Variants in ZNF555 observed in about 807,000 individuals in gnomAD.
ZNF555 encodes zinc finger protein 555.
Under a neutral mutation model 14.0 loss-of-function variants are expected in ZNF555, and 10 were observed. The ratio of observed to expected loss-of-function variants is 0.72; its 90% CI spans 0.44 to 1.21. The LOEUF is 1.21. ZNF555 is among the 50% of genes most tolerant of loss of function. The probability of loss-of-function intolerance (pLI) is 0.00; values close to 1 mark genes in which losing one functional copy is unlikely to be tolerated. For missense variants in ZNF555, 747 were observed against 762.0 expected (o/e 0.98, Z 0.23); for synonymous variants, 277 against 262.4 (o/e 1.06, Z -0.54).
intron 1 of ZNF555, among the ~76,000 whole-genome samples, chr19:2,843,343 T>G (rs568031866): frequency 1.7e-4 from 26 of 152,222 alleles, no homozygotes; most frequent in African/African-American, 5.1e-4. Context: ...TATTTTTTTG[T>G]TTCTAGGGAT....
In ZNF555 at chr19:2,856,427, A is replaced by T. The variant is rs2087683818; in HGVS notation, c.*2475A>T. The T allele has an allele frequency of 6.6e-6, 1 of 150,956 alleles. No homozygotes were observed. Among genetic ancestry groups the T allele is most frequent in the Non-Finnish European group, 1.5e-5 (1 of 67,720 alleles). 9.4% of individuals were successfully genotyped at this position (150,956 alleles called of 1,614,324 possible). ...ACCATGTTGGCCAGGCTGGTCTTGA[A>T]CTCCTGACCTCAGGTGATCTGCCCA... On this transcript the variant is annotated 3_prime_UTR_variant, in exon 4 of 4. Coordinates refer to ENST00000334241, the MANE Select transcript of ZNF555 (RefSeq NM_152791.5).
rs1599568461 is a variant in ZNF555, at chr19:2,855,042, AAAG to A, written c.*1096_*1098del. The A allele has an allele frequency of 6.6e-6, 1 of 152,196 alleles. No individual in the cohort carries two copies. 9.4% of individuals were successfully genotyped at this position (152,196 alleles called of 1,614,324 possible). The stretch of plus-strand genomic sequence containing the variant: ...CCACGAAAGCCACAGTGTTGCAGTC[AAAG>A]AAGAAAAACAACACATGGGACTTTG... On this transcript the variant is annotated 3_prime_UTR_variant, in exon 4 of 4. Transcript: ENST00000334241.
chr19:2,855,215 A>G lies in ZNF555; in HGVS notation c.*1263A>G, dbSNP rs1053497680. On this transcript the variant is annotated 3_prime_UTR_variant, in exon 4 of 4. Coordinates refer to ENST00000334241, the MANE Select transcript of ZNF555 (RefSeq NM_152791.5). ...GTTAAATTATTAGGTTTGATTATGT[A>G]TCATTAAAAATAATGTGGATTTTGT... The G allele has an allele frequency of 6.6e-6, 1 of 152,204 alleles. No individual in the cohort carries two copies. Among genetic ancestry groups the G allele is most frequent in the East Asian group, 1.9e-4 (1 of 5,200 alleles). 9.4% of individuals were successfully genotyped at this position (152,204 alleles called of 1,614,324 possible).
Position 2,853,161 on chromosome 19 carries a change from A to G in ZNF555, c.1096A>G (p.Lys366Glu). Residue 366 changes from lysine to glutamate, a missense_variant, in exon 4 of 4, where the codon AAA (lysine) becomes GAA (glutamate). Coordinates refer to ENST00000334241, the MANE Select transcript of ZNF555 (RefSeq NM_152791.5). ...RRHERIHTGE[K>E]PYECKQCGKT... is the part of the protein sequence containing the mutation. ...ACATGAAAGGATTCACACTGGAGAG[A>G]AACCCTACGAATGCAAACAGTGTGG... The G allele has an allele frequency of 1.2e-6, 2 of 1,614,202 alleles. No homozygotes were observed. Among genetic ancestry groups the G allele is most frequent in the South Asian group, 2.2e-5 (2 of 91,078 alleles).
At position 2,851,663 on chromosome 19, in the gene ZNF555, T is replaced by C; in HGVS notation, c.314+12T>C. On this transcript the variant is annotated intron_variant, in intron 3 of 3. Transcript: ENST00000334241. ...GGGAGAAATCTCAGGTGAGTTGCAC[T>C]CACAAGAGAACATAGTATTTCAGGA... is the stretch of plus-strand genomic sequence containing the variant. The C allele has an allele frequency of 6.5e-7, 1 of 1,539,410 alleles. No homozygotes were observed. Among genetic ancestry groups the C allele is most frequent in the African/African-American group, 1.4e-5 (1 of 71,648 alleles).
In ZNF555 at chr19:2,852,992, G is replaced by A; in HGVS notation, c.927G>A (p.Glu309=). ...GACATATGATTTCACACACTGGAGA[G>A]AAGCCACATAAATGTAAAGAATGTG... ...FRRHMISHTG[E]KPHKCKECGE... is the part of the protein sequence containing the mutation. Residue 309 remains glutamate (E), a synonymous_variant, in exon 4 of 4, where the codon GAG becomes GAA. Transcript: ENST00000334241. 1 of 1,614,228 alleles carries A rather than the reference G, an allele frequency of 6.2e-7. No homozygotes were observed. The highest frequency in any genetic ancestry group is 8.5e-7 in the Non-Finnish European group (1 of 1,180,046).
At chr19:2,849,723 A>C (rs1323798383) in intron 1 of ZNF555, among the ~76,000 whole-genome samples, 1 of 151,710 alleles carries the variant, frequency 6.6e-6, no homozygotes, top group Non-Finnish European at 1.5e-5. Context: ...CCTGACCTCA[A>C]ATGATCTGCC....
chr19:2,853,689 G>C lies in ZNF555; in HGVS notation c.1624G>C (p.Gly542Arg). 1 of 1,578,902 alleles carries C rather than the reference G, an allele frequency of 6.3e-7. No individual in the cohort carries two copies. Among genetic ancestry groups the C allele is most frequent in the Non-Finnish European group, 8.6e-7 (1 of 1,163,958 alleles). ...VEKPYECKEC[G>R]KVFKWPSSLP... ...GAAGCCCTATGAATGTAAGGAATGT[G>C]GGAAGGTCTTCAAATGGCCATCATC... The change falls in exon 4 of 4, where the codon GGG becomes CGG. Residue 542 changes from glycine (G) to arginine (R), a missense_variant. Transcript: ENST00000334241.
intron 1 of ZNF555, among the ~76,000 whole-genome samples, chr19:2,848,618 T>A (rs1181512179): frequency 2.0e-5 from 3 of 151,972 alleles, no homozygotes; most frequent in African/African-American, 7.3e-5. Flanking sequence ...CCGGCTAATT[T>A]TGTATTTTTA....
Position 2,850,598 on chromosome 19 carries a change from C to T in ZNF555, c.15C>T (p.Val5=). The change falls in exon 2 of 4, where the codon GTC becomes GTT. Residue 5 remains valine, a synonymous_variant. Coordinates refer to ENST00000334241, the MANE Select transcript of ZNF555 (RefSeq NM_152791.5). MDSV[V]FEDVAVDFTL... is the part of the protein sequence containing the mutation. ...TTGAATTGTTTTAGGACTCAGTGGT[C>T]TTTGAGGATGTGGCTGTGGACTTCA... 6.2e-7 allele frequency: 1 copy of T among 1,613,760 alleles called. No homozygotes were observed. The highest frequency in any genetic ancestry group is 8.5e-7 in the Non-Finnish European group (1 of 1,179,782).
rs1019681329 is a variant in ZNF555 at position 2,852,490 on chromosome 19, A to G, written c.425A>G (p.Gln142Arg). 1.9e-6 allele frequency: 3 copies of G among 1,614,174 alleles called. No homozygotes were observed. The highest frequency in any genetic ancestry group is 1.3e-5 in the African/African-American group (1 of 75,072). The change falls in exon 4 of 4, where the codon CAG (glutamine) becomes CGG (arginine). Residue 142 changes from glutamine (Q) to arginine (R), a missense_variant. Gln to Arg is a conservative substitution (Grantham distance 43). Transcript: ENST00000334241. Reference sequence around the variant, plus strand: ...AAGAAAATTCCACCTGGAGTAAAACAGTATGAATACAACACGTACGGAAAA... The same window carrying G: ...AAGAAAATTCCACCTGGAGTAAAACGGTATGAATACAACACGTACGGAAAA... ...LYKKIPPGVK[Q>R]YEYNTYGKVF... is the part of the protein sequence containing the mutation.
At chr19:2,850,360 C>T (rs2087618419) in intron 1 of ZNF555, among the ~76,000 whole-genome samples, 1 of 152,148 alleles carries the variant, frequency 6.6e-6, no homozygotes, top group Non-Finnish European at 1.5e-5. Flanking sequence ...AGAATAATGT[C>T]TTCAGTTGGT....
intron 1 of ZNF555, among the ~76,000 whole-genome samples, chr19:2,842,485 G>C (rs1380866049): frequency 2.0e-5 from 3 of 152,192 alleles, no homozygotes; most frequent in African/African-American, 7.2e-5. Context: ...TGCAAACGAG[G>C]GGGCTAAAAC....
In ZNF555 at chr19:2,855,668, A is replaced by G. The variant is rs954854854; in HGVS notation, c.*1716A>G. On this transcript the variant is annotated 3_prime_UTR_variant, in exon 4 of 4. Coordinates refer to ENST00000334241, the MANE Select transcript of ZNF555 (RefSeq NM_152791.5). ...GTACAAAAACTGGGTGACATAGGAA[A>G]ACAAACTTTTTGTTTCTCAGTTCTG... The G allele has an allele frequency of 6.6e-6, 1 of 152,256 alleles. No individual in the cohort carries two copies. Among genetic ancestry groups the G allele is most frequent in the Non-Finnish European group, 1.5e-5 (1 of 68,050 alleles). The allele number at this position is 152,256 out of a possible 1,614,324, so 9.4% of individuals were successfully genotyped here.
At position 2,854,075 on chromosome 19, in the gene ZNF555, T is replaced by C. The variant is rs966479274; in HGVS notation, c.*123T>C. 10 of 1,194,644 alleles carry C rather than the reference T, an allele frequency of 8.4e-6. No individual in the cohort carries two copies. In the African/African-American group the frequency reaches 1.1e-4, roughly 13 times the overall value. 74.0% of individuals were successfully genotyped at this position (1,194,644 alleles called of 1,614,324 possible). On this transcript the variant is annotated 3_prime_UTR_variant, in exon 4 of 4. Transcript: ENST00000334241. ...ATCCTACATGAATTTGAACAGGTAG[T>C]TTCTTACGATTCAGTAAATAAAACT... is the stretch of plus-strand genomic sequence containing the variant.
rs8109476 is a variant in ZNF555 at position 2,849,768 on chromosome 19, A to G, written c.4-819A>G. On this transcript the variant is annotated intron_variant, in intron 1 of 3. Transcript: ENST00000334241. ...CTCCCAAAGTGCTGGGGTTACAGGC[A>G]TGAGCCACCACACTTGGCCCAAGAA... 5.0e-3 allele frequency among the ~76,000 whole-genome samples: 763 copies of G among 152,030 alleles called. 9 individuals carry two copies. Among genetic ancestry groups the G allele is most frequent in the African/African-American group, 0.018 (741 of 41,458 alleles).
intron 1 of ZNF555, among the ~76,000 whole-genome samples, chr19:2,846,486 G>A (rs1470696962): frequency 2.0e-5 from 3 of 152,216 alleles, no homozygotes; most frequent in African/African-American, 7.2e-5. Context: ...GCCTTACCCG[G>A]GAGTGTCTAA....
intron 1 of ZNF555, 142 bp downstream of exon 1, chr19:2,841,717 T>TCCCGCCCGGC: frequency 2.0e-6 from 2 of 1,019,278 alleles, no homozygotes; most frequent in South Asian, 6.4e-5. Flanking sequence ...GCCCCGGGGG[T>TCCCGCCCGGC]CCCGCCCGGC....
intron 1 of ZNF555, among the ~76,000 whole-genome samples, chr19:2,844,887 A>G (rs1014066322): frequency 6.6e-6 from 1 of 152,238 alleles, no homozygotes; most frequent in Admixed American, 6.5e-5. Context: ...ACACTGCAGT[A>G]ATGATTTCAC....
Sources: gnomAD v4.1 joint callset for allele counts (sites outside exome capture counted in the v4.1 genomes callset) on GRCh38, gnomAD v4.1.1 for gene constraint, MANE v1.5 for transcripts, NCBI Gene and HGNC (gene_info 2026-07-23, HGNC 2026-07-21) for gene names.